RNF150: variants seen among roughly 807,000 people sequenced by gnomAD.
RNF150 encodes the protein ring finger protein 150.
A neutral mutation model predicts 39.3 loss-of-function variants in RNF150; 24 were observed. The ratio of observed to expected loss-of-function variants is 0.61; its 90% CI spans 0.44 to 0.86. The LOEUF is 0.86. Ranked by LOEUF, RNF150 falls within the 40% of genes least tolerant of loss-of-function variation. RNF150 has a pLI of 0.00. For missense variants in RNF150, 502 were observed against 587.8 expected (o/e 0.85, Z 1.51); for synonymous variants, 255 against 227.3 (o/e 1.12, Z -1.10).
chr4:140,982,439 A>C (rs1733890368), intron 1 of RNF150, among the ~76,000 whole-genome samples: 1 of 152,058 alleles, frequency 6.6e-6, no homozygotes, highest in Admixed American at 6.6e-5. Context: ...TCTGCTGTTC[A>C]AGAAAGTGTT....
At chr4:141,114,610 C>T (rs774451582) in intron 1 of RNF150, among the ~76,000 whole-genome samples, 4 of 152,000 alleles carry the variant, frequency 2.6e-5, no homozygotes, top group Admixed American at 1.3e-4. Context: ...CTGAAACTAT[C>T]GTAAGAAATA....
At chr4:141,102,559 G>A (rs1440214338) in intron 1 of RNF150, among the ~76,000 whole-genome samples, 1 of 152,108 alleles carries the variant, frequency 6.6e-6, no homozygotes, top group Admixed American at 6.5e-5. Flanking sequence ...TTCTACATAA[G>A]AGGCAGTGTC....
intron 1 of RNF150, among the ~76,000 whole-genome samples, chr4:140,974,122 T>C (rs1473055395): frequency 6.6e-6 from 1 of 152,168 alleles, no homozygotes; most frequent in Admixed American, 6.5e-5. Context: ...TAGAGTCATA[T>C]AACCACTAAC....
intron 5 of RNF150, among the ~76,000 whole-genome samples, chr4:140,920,583 T>C (rs1182929353): frequency 8.2e-6 from 1 of 121,398 alleles, no homozygotes. Flanking sequence ...TTTTACACTG[T>C]TGTTGGGACT....
At chr4:140,885,113 G>GT (rs1729514710) in intron 6 of RNF150, among the ~76,000 whole-genome samples, 1 of 151,030 alleles carries the variant, frequency 6.6e-6, no homozygotes, top group Admixed American at 6.6e-5. Flanking sequence ...CTTCCAAACA[G>GT]TTTTTTTCAA....
chr4:140,989,158 G>A lies in RNF150; in HGVS notation c.485-21285C>T, dbSNP rs567171389. On this transcript the variant is annotated intron_variant, in intron 1 of 6. Coordinates refer to ENST00000515673, the MANE Select transcript of RNF150 (RefSeq NM_020724.2). ...AGGTCTGTGGTACACGGAAGCTGGT[G>A]TCAGTGATGCTTCCAGGGTTCCCTG... is the stretch of plus-strand genomic sequence containing the variant. Among the ~76,000 whole-genome samples the A allele has an allele frequency of 3.5e-4, 54 of 152,270 alleles. 1 individual carries two copies. In the South Asian group the frequency reaches 0.011, roughly 31 times the overall value.
At chr4:140,917,656 C>A (rs1489087047) in intron 5 of RNF150, among the ~76,000 whole-genome samples, 22 of 152,016 alleles carry the variant, frequency 1.4e-4, no homozygotes, top group Non-Finnish European at 2.9e-4. Flanking sequence ...ACAAGGATAC[C>A]CAAGAATTGA....
At chr4:141,135,285 A>G (rs1182587682), upstream of RNF150, among the ~76,000 whole-genome samples, 1 of 152,252 alleles carries the variant, frequency 6.6e-6, no homozygotes, top group Non-Finnish European at 1.5e-5. Context: ...TTCAGAGGCC[A>G]AAAGCAAAAG....
intron 1 of RNF150, among the ~76,000 whole-genome samples, chr4:141,076,466 A>T (rs141183621): frequency 1.1e-4 from 16 of 152,168 alleles, no homozygotes; most frequent in African/African-American, 3.4e-4. Context: ...TGATTTAACC[A>T]GCCACTGTGG....
intron 1 of RNF150, among the ~76,000 whole-genome samples, chr4:140,974,308 T>C (rs1733583241): frequency 6.6e-6 from 1 of 152,326 alleles, no homozygotes; most frequent in African/African-American, 2.4e-5. Flanking sequence ...CAGCATAATG[T>C]CCTTATCCAA....
intron 1 of RNF150, among the ~76,000 whole-genome samples, chr4:141,096,423 C>T (rs1417684693): frequency 2.0e-5 from 3 of 151,954 alleles, no homozygotes; most frequent in African/African-American, 4.8e-5. Context: ...GTCTCGAACT[C>T]CTGAGTTCAG....
At chr4:140,961,741 G>A (rs971658314) in intron 2 of RNF150, among the ~76,000 whole-genome samples, 1 of 152,032 alleles carries the variant, frequency 6.6e-6, no homozygotes, top group African/African-American at 2.4e-5. Context: ...TTCACTGAGT[G>A]ACCCTATGGT....
intron 1 of RNF150, among the ~76,000 whole-genome samples, chr4:141,170,472 CTT>C (rs1727696316): frequency 6.6e-6 from 1 of 152,126 alleles, no homozygotes; most frequent in Non-Finnish European, 1.5e-5. Flanking sequence ...AAAAGTAACT[CTT>C]TTAATTTGCC....
At chr4:141,077,286 A>C (rs1420123351) in intron 1 of RNF150, among the ~76,000 whole-genome samples, 1 of 152,204 alleles carries the variant, frequency 6.6e-6, no homozygotes, top group Non-Finnish European at 1.5e-5. Flanking sequence ...TACACAAACT[A>C]TGGCACATCC....
intron 1 of RNF150, among the ~76,000 whole-genome samples, chr4:141,168,328 C>T (rs912356399): frequency 3.9e-5 from 6 of 152,158 alleles, no homozygotes; most frequent in South Asian, 2.1e-4. Flanking sequence ...GAAATAGGAA[C>T]GCTTTTACAC....
chr4:140,911,010 C>A (rs1730574917), intron 6 of RNF150, 134 bp downstream of exon 6: 7 of 714,028 alleles, frequency 9.8e-6, no homozygotes, highest in Non-Finnish European at 2.3e-6. Context: ...TAACAGCTGG[C>A]AGTTATAACT....
intron 1 of RNF150, among the ~76,000 whole-genome samples, chr4:141,200,355 C>A (rs1728271062): frequency 6.6e-6 from 1 of 151,930 alleles, no homozygotes; most frequent in Non-Finnish European, 1.5e-5. Context: ...AAAGACTCTA[C>A]CTCCTAATAC....
At chr4:141,061,600 G>A (rs35681065) in intron 1 of RNF150, among the ~76,000 whole-genome samples, 31,487 of 152,090 alleles carry the variant, frequency 0.21, 3,319 homozygotes, top group Middle Eastern at 0.26. Flanking sequence ...CTCACTGCAA[G>A]AGACATCTGA....
intron 1 of RNF150, among the ~76,000 whole-genome samples, chr4:141,106,901 G>A (rs1418938889): frequency 6.6e-6 from 1 of 152,040 alleles, no homozygotes; most frequent in Non-Finnish European, 1.5e-5. Context: ...TCTAGTCTAA[G>A]AATCAAATGA....
Sources: gnomAD v4.1 joint callset for allele counts (sites outside exome capture counted in the v4.1 genomes callset) on GRCh38, gnomAD v4.1.1 for gene constraint, MANE v1.5 for transcripts, NCBI Gene and HGNC (gene_info 2026-07-23, HGNC 2026-07-21) for gene names.